The following MAN1B1 variants were observed in gnomAD, a reference collection of about 807,000 sequenced individuals.
MAN1B1 encodes mannosidase alpha class 1B member 1, also known as endoplasmic reticulum mannosyl-oligosaccharide 1,2-alpha-mannosidase.
A neutral mutation model predicts 75.5 loss-of-function variants in MAN1B1; 66 were observed. The observed-to-expected ratio is 0.87, with a 90% CI of 0.72 to 1.07. The LOEUF is 1.07. Among genes scored for constraint, MAN1B1 ranks in the 50% least tolerant of loss-of-function variants. The pLI is 0.00. For synonymous variants in MAN1B1, 453 were observed against 382.8 expected (o/e 1.18, Z -2.14); for missense variants, 973 against 912.5 (o/e 1.07, Z -0.85).
At chr9:137,098,266 G>A (rs930541730) in intron 5 of MAN1B1, among the ~76,000 whole-genome samples, 2 of 152,252 alleles carry the variant, frequency 1.3e-5, no homozygotes, top group African/African-American at 4.8e-5. Context: ...CAGCTCTGGG[G>A]GCCACTTCAT....
At position 137,087,194 on chromosome 9, in the gene MAN1B1, T is replaced by C; in HGVS notation, c.195T>C (p.Ser65=). Residue 65 remains serine, a synonymous_variant, in exon 1 of 13, where the codon AGT becomes AGC. Transcript: ENST00000371589. ...GCGAGAACTATGACAACAGCAAGAG[T>C]TGGCGGCGGCGCTCGTGCTGGAGGG... ...SFGENYDNSK[S]WRRRSCWRKW... 1 of 1,586,912 alleles carries C rather than the reference T, an allele frequency of 6.3e-7. No homozygotes were observed. The highest frequency in any genetic ancestry group is 8.6e-7 in the Non-Finnish European group (1 of 1,167,436).
At chr9:137,096,154 T>C in intron 3 of MAN1B1, 83 bp from the exon 4 acceptor site, 1 of 1,441,442 alleles carries the variant, frequency 6.9e-7, no homozygotes, top group East Asian at 2.3e-5. Context: ...AGGTGTGGGC[T>C]GCACCTGAGG....
At chr9:137,100,248 T>C (rs990723278) in intron 6 of MAN1B1, among the ~76,000 whole-genome samples, 3 of 152,240 alleles carry the variant, frequency 2.0e-5, no homozygotes, top group Non-Finnish European at 4.4e-5. Flanking sequence ...ACATCCACTT[T>C]GAATTGGGAG....
chr9:137,107,312 C>T lies in MAN1B1; in HGVS notation c.1629C>T (p.Ala543=). 2 of 1,613,198 alleles carry T rather than the reference C, an allele frequency of 1.2e-6. No homozygotes were observed. The highest frequency in any genetic ancestry group is 1.7e-6 in the Non-Finnish European group (2 of 1,180,004). ...LALGVYHGLP[A]SHMELAQELM... is the part of the protein sequence containing the mutation. ...TGGGCGTCTACCACGGCCTGCCCGC[C>T]AGCCACATGGAGCTGGCCCAGGAGC... is the stretch of plus-strand genomic sequence containing the variant. The change falls in exon 11 of 13, where the codon GCC becomes GCT. Residue 543 remains alanine, a synonymous_variant. Coordinates refer to ENST00000371589, the MANE Select transcript of MAN1B1 (RefSeq NM_016219.5).
rs757186656 is a variant in MAN1B1 at position 137,087,410 on chromosome 9, C to T, written c.219+192C>T. 4 of 760,058 alleles carry T rather than the reference C, an allele frequency of 5.3e-6. No individual in the cohort carries two copies. The South Asian group carries it at 5.9e-5, about 11-fold the overall frequency. The allele number at this position is 760,058 out of a possible 1,614,324, so 47.1% of individuals were successfully genotyped here. A position where few individuals can be genotyped will look rare whatever the true frequency, so the allele number is the denominator to read the frequency against. ...CCGTGGGCGGCTCGCCTGCAGCGGTCTCAGCGGCCCAAATTCTGCGGGGCG... is the reference window on the plus strand; with the variant it reads ...CCGTGGGCGGCTCGCCTGCAGCGGTTTCAGCGGCCCAAATTCTGCGGGGCG... On this transcript the variant is annotated intron_variant, in intron 1 of 12. Coordinates refer to ENST00000371589, the MANE Select transcript of MAN1B1 (RefSeq NM_016219.5).
At chr9:137,107,044 A>G in intron 10 of MAN1B1, 1 of 746,768 alleles carries the variant, frequency 1.3e-6, no homozygotes, top group South Asian at 1.9e-5. Context: ...CCCGGTGTGT[A>G]GCAGGTCCTC....
intron 3 of MAN1B1, among the ~76,000 whole-genome samples, chr9:137,089,622 A>G (rs533332410): frequency 4.6e-5 from 7 of 152,086 alleles, no homozygotes; most frequent in Non-Finnish European, 1.0e-4. Context: ...GGTCCAGTTG[A>G]TGTATGCGGG....
Position 137,107,679 on chromosome 9 carries a change from G to A in MAN1B1, c.1896+17G>A, listed in dbSNP as rs548897215. 9 of 1,609,744 alleles carry A rather than the reference G, an allele frequency of 5.6e-6. No homozygotes were observed. Among genetic ancestry groups the A allele is most frequent in the East Asian group, 2.2e-5 (1 of 44,868 alleles). On this transcript the variant is annotated intron_variant, in intron 12 of 12. Transcript: ENST00000371589. The stretch of plus-strand genomic sequence containing the variant: ...TTCACACGGGTGAGCACCTGTCCTC[G>A]CCCCGCGTGGTCACGGCCACCGGGC...
intron 1 of MAN1B1, 63 bp from the exon 2 acceptor site, chr9:137,088,012 G>T (rs1830419958): frequency 8.1e-7 from 1 of 1,233,116 alleles, no homozygotes; most frequent in Non-Finnish European, 1.2e-6. Flanking sequence ...CACAGTTTGT[G>T]ACAGTTGAGA....
rs117021875 is a variant in MAN1B1 at position 137,108,027 on chromosome 9, G to A, written c.1897-361G>A. The stretch of plus-strand genomic sequence containing the variant: ...TGGACCAGGCCCTGTTTTAGGTCAC[G>A]CCCTCCACGCCAGAGTGTCACTTCC... On this transcript the variant is annotated intron_variant, in intron 12 of 12. Coordinates refer to ENST00000371589, the MANE Select transcript of MAN1B1 (RefSeq NM_016219.5). 8.3e-5 allele frequency: 51 copies of A among 612,602 alleles called. No individual in the cohort carries two copies. The East Asian group carries it at 1.1e-3, about 13-fold the overall frequency. The allele number at this position is 612,602 out of a possible 1,614,324, so 37.9% of individuals were successfully genotyped here.
At position 137,107,557 on chromosome 9, in the gene MAN1B1, G is replaced by A. The variant is rs1831159415; in HGVS notation, c.1791G>A (p.Arg597=). 1.2e-6 allele frequency: 2 copies of A among 1,612,782 alleles called. No homozygotes were observed. The highest frequency in any genetic ancestry group is 1.3e-5 in the African/African-American group (1 of 75,072). The part of the protein sequence containing the change: ...VKPADRHNLL[R]PETVESLFYL... The stretch of plus-strand genomic sequence containing the variant: ...CAGCAGACAGGCACAACCTGCTGCG[G>A]CCAGAGACCGTGGAGAGCCTGTTCT... Residue 597 remains arginine (R), a synonymous_variant, in exon 12 of 13, where the codon CGG becomes CGA. Coordinates refer to ENST00000371589, the MANE Select transcript of MAN1B1 (RefSeq NM_016219.5).
rs2130985740 is a variant in MAN1B1 at position 137,087,953 on chromosome 9, A to G, written c.220-122A>G. ...TGAGACCCTGTTTCCAAAAAAAAAAAGAAATAGAGCTGAACACTGGATCTT... is the reference window on the plus strand; with the variant it reads ...TGAGACCCTGTTTCCAAAAAAAAAAGGAAATAGAGCTGAACACTGGATCTT... On this transcript the variant is annotated intron_variant, in intron 1 of 12. Coordinates refer to ENST00000371589, the MANE Select transcript of MAN1B1 (RefSeq NM_016219.5). The G allele has an allele frequency of 5.9e-6, 5 of 851,166 alleles. No homozygotes were observed. In the East Asian group the frequency reaches 7.5e-5, roughly 13 times the overall value. The allele number at this position is 851,166 out of a possible 1,614,324, so 52.7% of individuals were successfully genotyped here.
chr9:137,101,813 C>G, intron 8 of MAN1B1, 141 bp downstream of exon 8: 2 of 1,050,030 alleles, frequency 1.9e-6, no homozygotes, highest in South Asian at 2.7e-5. Flanking sequence ...AACGCACCAC[C>G]TTAACCATTT....
chr9:137,104,145 C>T (rs1831011285), intron 8 of MAN1B1: 4 of 444,056 alleles, frequency 9.0e-6, no homozygotes, highest in Non-Finnish European at 1.8e-5. Context: ...TGTCCCTCCC[C>T]AGTCCCTGAA....
In MAN1B1 at chr9:137,106,918, G is replaced by A. The variant is rs1831131022; in HGVS notation, c.1566+109G>A. On this transcript the variant is annotated intron_variant, in intron 10 of 12. Coordinates refer to ENST00000371589, the MANE Select transcript of MAN1B1 (RefSeq NM_016219.5). ...GAAATCCTGGCCATGGCGCCCACGT[G>A]GAGGCCCTGGGTGGACCGTGGCTGC... is the stretch of plus-strand genomic sequence containing the variant. 2.7e-6 allele frequency: 4 copies of A among 1,464,436 alleles called. No homozygotes were observed. In the Admixed American group the frequency reaches 7.6e-5, roughly 28 times the overall value. 90.7% of individuals were successfully genotyped at this position (1,464,436 alleles called of 1,614,324 possible).
chr9:137,092,179 G>A (rs1023864921), intron 3 of MAN1B1, among the ~76,000 whole-genome samples: 3 of 151,542 alleles, frequency 2.0e-5, no homozygotes, highest in Non-Finnish European at 2.9e-5. Context: ...TGGGTAACAC[G>A]GTGAGACCAC....
intron 3 of MAN1B1, among the ~76,000 whole-genome samples, chr9:137,095,280 C>G (rs1830622907): frequency 6.6e-6 from 1 of 151,722 alleles, no homozygotes; most frequent in African/African-American, 2.4e-5. Flanking sequence ...GTCTTGAACT[C>G]CTGACCTCAG....
chr9:137,105,151 C>G (rs555201478), intron 8 of MAN1B1: 5 of 152,574 alleles, frequency 3.3e-5, no homozygotes, highest in African/African-American at 1.2e-4. Flanking sequence ...TGCCCGGCCT[C>G]TTTTTACTTT....
chr9:137,094,384 A>G lies in MAN1B1; in HGVS notation c.466-1853A>G, dbSNP rs1034032709. On this transcript the variant is annotated intron_variant, in intron 3 of 12. Coordinates refer to ENST00000371589, the MANE Select transcript of MAN1B1 (RefSeq NM_016219.5). ...TTCTAATAGTTTGTTCCGACCTTCC[A>G]CTGTGGACTCAATAGCAGGGAGATG... 4.0e-5 allele frequency: 20 copies of G among 502,076 alleles called. No homozygotes were observed. In the East Asian group the frequency reaches 7.8e-4, roughly 20 times the overall value. The allele number at this position is 502,076 out of a possible 1,614,324, so 31.1% of individuals were successfully genotyped here.
Sources: allele counts gnomAD v4.1 joint callset (sites outside exome capture counted in the v4.1 genomes callset), GRCh38; gene constraint gnomAD v4.1.1; transcripts MANE v1.5; gene names NCBI Gene and HGNC (gene_info 2026-07-23, HGNC 2026-07-21).